The following LRRC72 variants were observed in gnomAD, a reference collection of about 807,000 sequenced individuals.
LRRC72 encodes the protein leucine-rich repeat-containing protein 72.
In LRRC72, 41 loss-of-function variants were observed where a neutral mutation model predicts 35.8. The observed-to-expected ratio is 1.15, with a 90% CI of 0.89 to 1.49. The LOEUF (loss-of-function observed/expected upper bound fraction) is 1.49, where lower values mean the gene tolerates loss of function less well. Ranked by LOEUF, LRRC72 falls within the 40% of genes most tolerant of loss-of-function variation. LRRC72 has a pLI of 0.00. For synonymous variants in LRRC72, 118 were observed against 119.2 expected, an observed-to-expected ratio of 0.99 and a Z score of 0.07; for missense variants, 389 against 330.7, an observed-to-expected ratio of 1.18 and a Z score of -1.37.
At chr7:16,561,913 T>C (rs1782750433) in intron 5 of LRRC72, among the ~76,000 whole-genome samples, 1 of 152,232 alleles carries the variant, frequency 6.6e-6, no homozygotes, top group South Asian at 2.1e-4. Context: ...TCAAATGTAG[T>C]CATTTTTGTC....
chr7:16,534,784 A>G (rs1336217658), intron 2 of LRRC72, among the ~76,000 whole-genome samples: 2 of 151,948 alleles, frequency 1.3e-5, no homozygotes, highest in East Asian at 3.9e-4. Flanking sequence ...ATGTACTCTC[A>G]CTATCGCCCC....
chr7:16,563,178 G>A (rs1169943640), intron 5 of LRRC72, among the ~76,000 whole-genome samples: 2 of 152,000 alleles, frequency 1.3e-5, no homozygotes, highest in South Asian at 2.1e-4. Flanking sequence ...AACTTTCTTC[G>A]AAGGCAGCCT....
chr7:16,529,227 A>G (rs1334890419), intron 1 of LRRC72, among the ~76,000 whole-genome samples: 3 of 152,188 alleles, frequency 2.0e-5, no homozygotes, highest in African/African-American at 7.2e-5. Flanking sequence ...CAAAGGCTGT[A>G]CAGCCCCACA....
chr7:16,578,093 T>G (rs1783074848), intron 7 of LRRC72, among the ~76,000 whole-genome samples: 1 of 152,224 alleles, frequency 6.6e-6, no homozygotes, highest in African/African-American at 2.4e-5. Flanking sequence ...TTGCAACATT[T>G]TTTATAATAG....
intron 2 of LRRC72, among the ~76,000 whole-genome samples, chr7:16,533,138 G>T (rs903181403): frequency 7.9e-5 from 12 of 152,002 alleles, no homozygotes; most frequent in Non-Finnish European, 1.3e-4. Flanking sequence ...TATTAGTATG[G>T]TTAACATTAT....
intron 5 of LRRC72, among the ~76,000 whole-genome samples, chr7:16,559,348 C>G (rs1245284586): frequency 1.3e-5 from 2 of 151,722 alleles, no homozygotes; most frequent in African/African-American, 4.8e-5. Context: ...GAGCCAAGAT[C>G]GCGCCACTGG....
At chr7:16,564,869 T>C (rs1317977082) in intron 5 of LRRC72, among the ~76,000 whole-genome samples, 1 of 152,184 alleles carries the variant, frequency 6.6e-6, no homozygotes, top group African/African-American at 2.4e-5. Flanking sequence ...ACCCCAATCT[T>C]CTTTATGTTA....
intron 1 of LRRC72, among the ~76,000 whole-genome samples, chr7:16,529,230 G>A (rs1468069605): frequency 1.3e-5 from 2 of 152,116 alleles, no homozygotes; most frequent in African/African-American, 4.8e-5. Flanking sequence ...AGGCTGTACA[G>A]CCCCACATAC....
intron 6 of LRRC72, among the ~76,000 whole-genome samples, 192 bp from the exon 7 acceptor site, chr7:16,567,197 CAT>C (rs893658446): frequency 6.6e-5 from 10 of 152,030 alleles, no homozygotes; most frequent in Non-Finnish European, 1.2e-4. Flanking sequence ...TGTCTTGTGA[CAT>C]GTGGGGTGTA....
intron 7 of LRRC72, among the ~76,000 whole-genome samples, chr7:16,567,769 C>T (rs1562751678): frequency 6.6e-6 from 1 of 152,126 alleles, no homozygotes; most frequent in East Asian, 1.9e-4. Context: ...AAATGGGGTG[C>T]TGTGATAATA....
At chr7:16,531,031 T>C (rs773510151) in intron 1 of LRRC72, among the ~76,000 whole-genome samples, 9 of 151,772 alleles carry the variant, frequency 5.9e-5, no homozygotes, top group Non-Finnish European at 1.2e-4. Flanking sequence ...ACCCCATCTC[T>C]ACAAAAAATT....
intron 4 of LRRC72, 84 bp from the exon 5 acceptor site, chr7:16,558,805 T>TA (rs1460543103): frequency 1.3e-6 from 1 of 785,780 alleles, no homozygotes; most frequent in Admixed American, 3.6e-5. Flanking sequence ...TAATTAGCAT[T>TA]AAAAATGTTT....
chr7:16,562,741 T>C (rs1583648368), intron 5 of LRRC72, among the ~76,000 whole-genome samples: 1 of 152,296 alleles, frequency 6.6e-6, no homozygotes, highest in East Asian at 1.9e-4. Flanking sequence ...TGAGCCTCTT[T>C]TCCTATAATG....
chr7:16,537,701 T>G lies in LRRC72; in HGVS notation c.234+5T>G, dbSNP rs754666345. On this transcript the variant is annotated splice_donor_5th_base_variant and intron_variant, in intron 3 of 8. Transcript: ENST00000401542. The stretch of plus-strand genomic sequence containing the variant: ...TTATGGCTTCATCATAACAAGGTAG[T>G]GTTTTATTTTATCTTTCAATTACTA... The G allele has an allele frequency of 7.1e-7, 1 of 1,399,932 alleles. No homozygotes were observed. The highest frequency in any genetic ancestry group is 9.7e-7 in the Non-Finnish European group (1 of 1,030,884). The allele number at this position is 1,399,932 out of a possible 1,614,324, so 86.7% of individuals were successfully genotyped here. A position where few individuals can be genotyped will look rare whatever the true frequency, so the allele number is the denominator to read the frequency against.
chr7:16,535,593 T>G (rs1383786244), intron 2 of LRRC72, among the ~76,000 whole-genome samples: 1 of 152,182 alleles, frequency 6.6e-6, no homozygotes, highest in Middle Eastern at 3.2e-3. Context: ...GATATTTGCC[T>G]CATGTATGAC....
chr7:16,535,866 T>C lies in LRRC72; in HGVS notation c.165-1761T>C, dbSNP rs543111735. 1.8e-3 allele frequency among the ~76,000 whole-genome samples: 275 copies of C among 152,270 alleles called. 1 individual carries two copies. Among genetic ancestry groups the C allele is most frequent in the African/African-American group, 6.3e-3 (263 of 41,564 alleles). On this transcript the variant is annotated intron_variant, in intron 2 of 8. Transcript: ENST00000401542. ...TGGACTCTCCAAAAAGCTAATGTTT[T>C]CTGGTTTTTTTGTTTGTTTGTTTGA... is the stretch of plus-strand genomic sequence containing the variant.
chr7:16,534,544 C>T (rs999173329), intron 2 of LRRC72, among the ~76,000 whole-genome samples: 5 of 152,028 alleles, frequency 3.3e-5, no homozygotes, highest in African/African-American at 1.2e-4. Context: ...AAATTAATGA[C>T]AGTAACTTGA....
chr7:16,543,613 C>G (rs1782396797), intron 3 of LRRC72, among the ~76,000 whole-genome samples: 1 of 152,148 alleles, frequency 6.6e-6, no homozygotes, highest in African/African-American at 2.4e-5. Flanking sequence ...ACTGTCTAAG[C>G]CAACCAGAAT....
chr7:16,570,935 G>A (rs571487112), intron 7 of LRRC72, among the ~76,000 whole-genome samples: 1 of 150,782 alleles, frequency 6.6e-6, no homozygotes, highest in African/African-American at 2.4e-5. Flanking sequence ...ATGCTCTTCA[G>A]TGTCTTTTAA....
Sources: allele counts gnomAD v4.1 joint callset (sites outside exome capture counted in the v4.1 genomes callset), GRCh38; gene constraint gnomAD v4.1.1; transcripts MANE v1.5; gene names NCBI Gene and HGNC (gene_info 2026-07-23, HGNC 2026-07-21).